The following THRB variants were observed in gnomAD, a reference collection of about 807,000 sequenced individuals.
The protein encoded by THRB is nuclear receptor subfamily 1 group A member 2.
A neutral mutation model predicts 47.8 loss-of-function variants in THRB; 12 were observed. The ratio of observed to expected loss-of-function variants is 0.25; its 90% CI spans 0.16 to 0.41. The LOEUF (loss-of-function observed/expected upper bound fraction) is 0.41. Ranked by LOEUF, THRB falls within the 10% of genes least tolerant of loss-of-function variation. The pLI, the probability that THRB is intolerant of heterozygous loss-of-function variation, is 1.00. For missense variants in THRB, 348 were observed against 589.2 expected, an observed-to-expected ratio of 0.59 and a Z score of 4.24; for synonymous variants, 218 against 212.2, an observed-to-expected ratio of 1.03 and a Z score of -0.24.
intron 1 of THRB, among the ~76,000 whole-genome samples, chr3:24,418,286 G>A (rs1334697496): frequency 6.7e-6 from 1 of 148,408 alleles, no homozygotes; most frequent in African/African-American, 2.5e-5. Context: ...CTTGCCTAGT[G>A]TTACTTGGTT....
Position 24,448,767 on chromosome 3 carries a change from T to C in THRB, c.-261+45885A>G, listed in dbSNP as rs545307677. Among the ~76,000 whole-genome samples, 16 of 152,256 alleles carry C rather than the reference T, an allele frequency of 1.1e-4. No individual in the cohort carries two copies. In the East Asian group the frequency reaches 3.1e-3, roughly 29 times the overall value. On this transcript the variant is annotated intron_variant, in intron 1 of 10. Coordinates refer to ENST00000646209, the MANE Select transcript of THRB (RefSeq NM_001354712.2). ...TGTTCAAGAGTCAGCAAGTTCTGGG[T>C]ATGAAAACTAATATTTAAACAGAGA...
intron 2 of THRB, among the ~76,000 whole-genome samples, chr3:24,309,027 C>T (rs941507963): frequency 6.6e-6 from 1 of 152,134 alleles, no homozygotes; most frequent in Non-Finnish European, 1.5e-5. Context: ...TCTTCCCTAC[C>T]CTTTCCTCTG....
At chr3:24,471,531 A>G (rs1414586470) in intron 1 of THRB, among the ~76,000 whole-genome samples, 1 of 152,164 alleles carries the variant, frequency 6.6e-6, no homozygotes, top group Non-Finnish European at 1.5e-5. Context: ...CCACCATTCC[A>G]GTCCCTCAAG....
At chr3:24,127,407 C>G in intron 10 of THRB, 92 bp downstream of exon 10, 1 of 1,379,378 alleles carries the variant, frequency 7.2e-7, no homozygotes, top group South Asian at 1.2e-5. Context: ...GTTTCTGAAG[C>G]TAAAGGGGGA....
At chr3:24,429,115 A>G (rs1047393335) in intron 1 of THRB, among the ~76,000 whole-genome samples, 1 of 151,762 alleles carries the variant, frequency 6.6e-6, no homozygotes, top group African/African-American at 2.4e-5. Flanking sequence ...CCCTAATTCT[A>G]TAAGTTACAT....
intron 3 of THRB, among the ~76,000 whole-genome samples, chr3:24,259,085 T>C (rs1418420340): frequency 6.6e-6 from 1 of 152,154 alleles, no homozygotes; most frequent in Admixed American, 6.5e-5. Context: ...GCCTGCTCCA[T>C]GAGCATCCAA....
At chr3:24,311,932 C>T (rs2057787057) in intron 2 of THRB, among the ~76,000 whole-genome samples, 1 of 152,204 alleles carries the variant, frequency 6.6e-6, no homozygotes, top group Non-Finnish European at 1.5e-5. Context: ...TTTGTACGCA[C>T]AGGCCACCAA....
At chr3:24,339,221 C>G (rs117278182) in intron 1 of THRB, among the ~76,000 whole-genome samples, 2,275 of 152,180 alleles carry the variant, frequency 0.015, 30 homozygotes, top group East Asian at 0.057. Flanking sequence ...TATATCTGAA[C>G]TTGACTCTGT....
At chr3:24,124,513 G>A (rs551323761) in intron 10 of THRB, among the ~76,000 whole-genome samples, 5 of 152,300 alleles carry the variant, frequency 3.3e-5, no homozygotes, top group African/African-American at 1.2e-4. Flanking sequence ...AGATAAAGAC[G>A]AGATGGCCAC....
At position 24,297,369 on chromosome 3, in the gene THRB, G is replaced by C. The variant is rs989074036; in HGVS notation, c.-186C>G. On this transcript the variant is annotated splice_region_variant and 5_prime_UTR_variant, in exon 3 of 11. Coordinates refer to ENST00000646209, the MANE Select transcript of THRB (RefSeq NM_001354712.2). The stretch of plus-strand genomic sequence containing the variant: ...AAATGCTGGAGTTTGCCTCTCTGGC[G>C]AGCTGCAGAAAGGAATTTCTGCATT... 6.6e-6 allele frequency: 1 copy of C among 152,308 alleles called. No homozygotes were observed. Among genetic ancestry groups the C allele is most frequent in the Non-Finnish European group, 1.5e-5 (1 of 68,030 alleles). The allele number at this position is 152,308 out of a possible 1,614,324, so 9.4% of individuals were successfully genotyped here.
intron 1 of THRB, among the ~76,000 whole-genome samples, chr3:24,421,044 T>C (rs1240264844): frequency 6.6e-6 from 1 of 151,958 alleles, no homozygotes; most frequent in Non-Finnish European, 1.5e-5. Context: ...TCATATCTTT[T>C]GCAGGAAGAT....
chr3:24,451,864 C>T (rs1236082425), intron 1 of THRB, among the ~76,000 whole-genome samples: 2 of 152,174 alleles, frequency 1.3e-5, no homozygotes, highest in African/African-American at 2.4e-5. Context: ...GGTCAAAGGG[C>T]CTGGTTTACT....
chr3:24,369,627 T>C (rs1026733550), intron 1 of THRB, among the ~76,000 whole-genome samples: 1 of 152,106 alleles, frequency 6.6e-6, no homozygotes, highest in Non-Finnish European at 1.5e-5. Flanking sequence ...TTAACACTCC[T>C]CTCCTCTCTT....
intron 2 of THRB, among the ~76,000 whole-genome samples, chr3:24,298,426 T>A (rs554104353): frequency 7.2e-5 from 11 of 152,240 alleles, no homozygotes; most frequent in Non-Finnish European, 1.3e-4. Context: ...GTTGACTTAA[T>A]TTCATGCAAA....
chr3:24,474,605 G>A (rs951466257), intron 1 of THRB, among the ~76,000 whole-genome samples: 3 of 152,172 alleles, frequency 2.0e-5, no homozygotes, highest in Admixed American at 6.5e-5. Flanking sequence ...GGTTTCCTAT[G>A]TAAGGAAAAC....
chr3:24,436,904 C>T (rs2071017004), intron 1 of THRB, among the ~76,000 whole-genome samples: 1 of 151,908 alleles, frequency 6.6e-6, no homozygotes, highest in Non-Finnish European at 1.5e-5. Context: ...TAGAAACATC[C>T]CAGTTCTCAG....
rs1183824130 is a variant in THRB, at chr3:24,121,903, T to TGAA, written c.*978_*980dup. 1 of 152,632 alleles carries TGAA rather than the reference T, an allele frequency of 6.6e-6. No homozygotes were observed. Among genetic ancestry groups the TGAA allele is most frequent in the Non-Finnish European group, 1.5e-5 (1 of 68,052 alleles). 9.5% of individuals were successfully genotyped at this position (152,632 alleles called of 1,614,324 possible). On this transcript the variant is annotated 3_prime_UTR_variant, in exon 11 of 11. Transcript: ENST00000646209. ...CCTCAGCATTTCTCCAGAAGAAGAC[T>TGAA]GAAGTTTCACCGTATCTTTCCTTGA...
intron 9 of THRB, among the ~76,000 whole-genome samples, chr3:24,131,328 G>A (rs1377593084): frequency 3.3e-5 from 5 of 152,076 alleles, no homozygotes; most frequent in South Asian, 2.1e-4. Flanking sequence ...CAATGAATAC[G>A]TATAATTTTT....
At chr3:24,243,615 C>T (rs902955984) in intron 3 of THRB, among the ~76,000 whole-genome samples, 1 of 152,132 alleles carries the variant, frequency 6.6e-6, no homozygotes, top group Non-Finnish European at 1.5e-5. Context: ...CTTCCCTGGG[C>T]ACGGCGCTTC....
Sources: gnomAD v4.1 joint callset for allele counts (sites outside exome capture counted in the v4.1 genomes callset) on GRCh38, gnomAD v4.1.1 for gene constraint, MANE v1.5 for transcripts, NCBI Gene and HGNC (gene_info 2026-07-23, HGNC 2026-07-21) for gene names.